HTR5A: variants seen among roughly 807,000 people sequenced by gnomAD.
HTR5A encodes 5-HT-5.
A neutral mutation model predicts 24.3 loss-of-function variants in HTR5A; 21 were observed. The ratio of observed to expected loss-of-function variants is 0.86; its 90% CI spans 0.61 to 1.24. The LOEUF (loss-of-function observed/expected upper bound fraction) is 1.24, where lower values mean the gene tolerates loss of function less well. HTR5A is among the 50% of genes most tolerant of loss of function. The probability of loss-of-function intolerance (pLI) is 0.00; values close to 1 mark genes in which losing one functional copy is unlikely to be tolerated. For missense variants in HTR5A, 497 were observed against 489.5 expected (o/e 1.02, Z -0.15); for synonymous variants, 260 against 213.7 (o/e 1.22, Z -1.89).
intron 1 of HTR5A, among the ~76,000 whole-genome samples, chr7:155,078,891 ATTTT>A (rs1795386976): frequency 6.6e-6 from 1 of 151,786 alleles, no homozygotes; most frequent in Non-Finnish European, 1.5e-5. Context: ...AGTTTAGAAA[ATTTT>A]TCTTTCTTTT....
rs113867577 is a variant in HTR5A, at chr7:155,082,094, G to A, written c.742-2061G>A. On this transcript the variant is annotated intron_variant, in intron 1 of 1. Transcript: ENST00000287907. The stretch of plus-strand genomic sequence containing the variant: ...CATCTCCAGTATAATCAGCATCCGT[G>A]GTGTCTCCAGTGGGACCAGCATCCC... Among the ~76,000 whole-genome samples the A allele has an allele frequency of 3.9e-3, 586 of 151,298 alleles. 5 individuals are homozygous for A. Among genetic ancestry groups the A allele is most frequent in the African/African-American group, 0.014 (560 of 40,996 alleles).
At position 155,070,716 on chromosome 7, in the gene HTR5A, C is replaced by T; in HGVS notation, c.-184C>T. 1.5e-6 allele frequency: 1 copy of T among 666,250 alleles called. No homozygotes were observed. Among genetic ancestry groups the T allele is most frequent in the Non-Finnish European group, 2.6e-6 (1 of 388,468 alleles). The allele number at this position is 666,250 out of a possible 1,614,324, so 41.3% of individuals were successfully genotyped here. On this transcript the variant is annotated 5_prime_UTR_variant, in exon 1 of 2. Transcript: ENST00000287907. ...GGCTTCAGACCTGCCGCGCTTGCAGCCACACCATCTCCAACGGATGCTCAC... is the reference window on the plus strand; with the variant it reads ...GGCTTCAGACCTGCCGCGCTTGCAGTCACACCATCTCCAACGGATGCTCAC...
intron 1 of HTR5A, among the ~76,000 whole-genome samples, chr7:155,075,060 C>T (rs1023491909): frequency 6.6e-6 from 1 of 152,194 alleles, no homozygotes; most frequent in Admixed American, 6.5e-5. Context: ...TACTTGGTTA[C>T]AAATCCTAAG....
At position 155,071,686 on chromosome 7, in the gene HTR5A, C is replaced by T. The variant is rs182408868; in HGVS notation, c.741+46C>T. The stretch of plus-strand genomic sequence containing the variant: ...TAAAAATACTCGACTTGCATCTGTA[C>T]AGGCTATATCCCCAGGCCACCTGCC... On this transcript the variant is annotated intron_variant, in intron 1 of 1. Coordinates refer to ENST00000287907, the MANE Select transcript of HTR5A (RefSeq NM_024012.4). The T allele has an allele frequency of 4.3e-4, 675 of 1,579,166 alleles. 1 individual carries two copies. The highest frequency in any genetic ancestry group is 2.8e-3 in the Middle Eastern group (15 of 5,366).
In HTR5A at chr7:155,086,067, C is replaced by G. The variant is rs1393543863; in HGVS notation, c.*1580C>G. Among the ~76,000 whole-genome samples the G allele has an allele frequency of 6.6e-6, 1 of 152,132 alleles. No individual in the cohort carries two copies. Among genetic ancestry groups the G allele is most frequent in the African/African-American group, 2.4e-5 (1 of 41,432 alleles). On this transcript the variant is annotated 3_prime_UTR_variant, in exon 2 of 2. Coordinates refer to ENST00000287907, the MANE Select transcript of HTR5A (RefSeq NM_024012.4). The stretch of plus-strand genomic sequence containing the variant: ...TGTATATATCACTTGAAGTGCTAAA[C>G]CCACAAGTATTTAAAATACAGACTC...
At chr7:155,082,459 A>C (rs1338232529) in intron 1 of HTR5A, among the ~76,000 whole-genome samples, 1 of 152,100 alleles carries the variant, frequency 6.6e-6, no homozygotes, top group Non-Finnish European at 1.5e-5. Context: ...TTTCCAGTAT[A>C]ACCAGCATCT....
At position 155,071,281 on chromosome 7, in the gene HTR5A, A is replaced by AC; in HGVS notation, c.382_383insC (p.Ser128ThrfsTer60). On this transcript the variant is annotated frameshift_variant, in exon 1 of 2. Coordinates refer to ENST00000287907, the MANE Select transcript of HTR5A (RefSeq NM_024012.4). LOFTEE classifies it high-confidence loss of function. ...GTGCGACGTGCTTTGCTGCACGGCC[A>AC]GCATCTGGAACGTGACGGCCATAGC... The AC allele has an allele frequency of 6.2e-7, 1 of 1,608,420 alleles. No individual in the cohort carries two copies. The highest frequency in any genetic ancestry group is 1.1e-5 in the South Asian group (1 of 91,078).
Position 155,084,309 on chromosome 7 carries a change from T to C in HTR5A, c.896T>C (p.Ile299Thr), listed in dbSNP as rs138756848. The change falls in exon 2 of 2, where the codon ATC becomes ACC. Residue 299 changes from isoleucine to threonine, a missense_variant. Coordinates refer to ENST00000287907, the MANE Select transcript of HTR5A (RefSeq NM_024012.4). ...ILIGVFVLCWIPFFLTELISP... is the reference protein window; with the variant it reads ...ILIGVFVLCWTPFFLTELISP... ...ATTGGCGTGTTCGTGCTCTGCTGGA[T>C]CCCCTTCTTTCTCACCGAGCTCATC... 2.4e-4 allele frequency: 383 copies of C among 1,614,068 alleles called. No homozygotes were observed. The highest frequency in any genetic ancestry group is 3.2e-4 in the Non-Finnish European group (377 of 1,180,010).
At chr7:155,079,072 C>A (rs1481979335) in intron 1 of HTR5A, among the ~76,000 whole-genome samples, 4 of 152,000 alleles carry the variant, frequency 2.6e-5, no homozygotes, top group Non-Finnish European at 5.9e-5. Context: ...CCTCACACCT[C>A]AGCCTCTGAG....
chr7:155,084,408 T>A lies in HTR5A; in HGVS notation c.995T>A (p.Phe332Tyr). Residue 332 changes from phenylalanine to tyrosine, a missense_variant, in exon 2 of 2, where the codon TTC (phenylalanine) becomes TAC (tyrosine). Phe to Tyr is a conservative substitution (Grantham distance 22). Transcript: ENST00000287907. Reference sequence around the variant, plus strand: ...CTGTGGCTTGGCTACTCCAACTCCTTCTTTAACCCCCTGATCTATACGGCT... The same window carrying A: ...CTGTGGCTTGGCTACTCCAACTCCTACTTTAACCCCCTGATCTATACGGCT... Reference protein sequence around the residue: ...IFLWLGYSNSFFNPLIYTAFN... With the variant: ...IFLWLGYSNSYFNPLIYTAFN... 2.5e-6 allele frequency: 4 copies of A among 1,614,166 alleles called. No homozygotes were observed. Among genetic ancestry groups the A allele is most frequent in the Non-Finnish European group, 3.4e-6 (4 of 1,180,036 alleles).
intron 1 of HTR5A, among the ~76,000 whole-genome samples, chr7:155,080,401 A>G (rs962325435): frequency 6.6e-6 from 1 of 152,234 alleles, no homozygotes; most frequent in Non-Finnish European, 1.5e-5. Context: ...ATAAGAGCCC[A>G]GTGAAACTAG....
intron 1 of HTR5A, among the ~76,000 whole-genome samples, chr7:155,078,127 G>C (rs1795377791): frequency 6.6e-6 from 1 of 152,042 alleles, no homozygotes; most frequent in Non-Finnish European, 1.5e-5. Flanking sequence ...TATATACAGG[G>C]ATCCTTATCT....
At chr7:155,076,488 G>C (rs1795360759) in intron 1 of HTR5A, among the ~76,000 whole-genome samples, 1 of 152,110 alleles carries the variant, frequency 6.6e-6, no homozygotes, top group Non-Finnish European at 1.5e-5. Context: ...TTATGGGAGA[G>C]ACTGGACTAC....
Position 155,084,173 on chromosome 7 carries a change from C to A in HTR5A, c.760C>A (p.Gln254Lys), listed in dbSNP as rs748385154. 1.4e-4 allele frequency: 218 copies of A among 1,607,214 alleles called. No homozygotes were observed. Among genetic ancestry groups the A allele is most frequent in the Non-Finnish European group, 1.7e-4 (201 of 1,176,282 alleles). Reference sequence around the variant, plus strand: ...TTTACAGGTGAAGGACTCTGCCAAACAGCCCCAGATGGTGTTCACGGTCCG... The same window carrying A: ...TTTACAGGTGAAGGACTCTGCCAAAAAGCCCCAGATGGTGTTCACGGTCCG... ...EAVEVKDSAK[Q>K]PQMVFTVRHA... Residue 254 changes from glutamine (Q) to lysine (K), a missense_variant, in exon 2 of 2, where the codon CAG (glutamine) becomes AAG (lysine). By Grantham distance (53) the Gln-to-Lys change is moderately conservative. Coordinates refer to ENST00000287907, the MANE Select transcript of HTR5A (RefSeq NM_024012.4).
Position 155,084,510 on chromosome 7 carries a change from A to G in HTR5A, c.*23A>G. 6.4e-7 allele frequency: 1 copy of G among 1,563,592 alleles called. No individual in the cohort carries two copies. Among genetic ancestry groups the G allele is most frequent in the Admixed American group, 1.8e-5 (1 of 55,158 alleles). On this transcript the variant is annotated 3_prime_UTR_variant, in exon 2 of 2. Coordinates refer to ENST00000287907, the MANE Select transcript of HTR5A (RefSeq NM_024012.4). ...TGAGGGAGAGGACCAGGATTGAAAAAAGTTTCTTCCCATAATTCAGTGGAA... is the reference window on the plus strand; with the variant it reads ...TGAGGGAGAGGACCAGGATTGAAAAGAGTTTCTTCCCATAATTCAGTGGAA...
chr7:155,084,287 G>A lies in HTR5A; in HGVS notation c.874G>A (p.Gly292Ser). ...RAALMVGILI[G>S]VFVLCWIPFF... ...CGCCCTCATGGTGGGCATCCTCATT[G>A]GCGTGTTCGTGCTCTGCTGGATCCC... The change falls in exon 2 of 2, where the codon GGC becomes AGC. Residue 292 changes from glycine to serine, a missense_variant. By Grantham distance (56) the Gly-to-Ser change is moderately conservative. Coordinates refer to ENST00000287907, the MANE Select transcript of HTR5A (RefSeq NM_024012.4). 6.2e-7 allele frequency: 1 copy of A among 1,614,144 alleles called. No homozygotes were observed. The highest frequency in any genetic ancestry group is 8.5e-7 in the Non-Finnish European group (1 of 1,180,032).
At chr7:155,073,905 A>ATATATATG (rs1563419733) in intron 1 of HTR5A, among the ~76,000 whole-genome samples, 11 of 88,028 alleles carry the variant, frequency 1.2e-4, no homozygotes, top group African/African-American at 4.2e-4. Context: ...ATATATATAT[A>ATATATATG]TATATATATA....
Position 155,071,197 on chromosome 7 carries a change from C to T in HTR5A, c.298C>T (p.His100Tyr). ...AALVMPLSLVHELSGRRWQLG... is the reference protein window; with the variant it reads ...AALVMPLSLVYELSGRRWQLG... Reference sequence around the variant, plus strand: ...GCTGGTCATGCCGCTGAGCCTGGTGCACGAGCTGTCCGGGCGCCGCTGGCA... The same window carrying T: ...GCTGGTCATGCCGCTGAGCCTGGTGTACGAGCTGTCCGGGCGCCGCTGGCA... Residue 100 changes from histidine to tyrosine, a missense_variant, in exon 1 of 2, where the codon CAC (histidine) becomes TAC (tyrosine). Coordinates refer to ENST00000287907, the MANE Select transcript of HTR5A (RefSeq NM_024012.4). 6.2e-7 allele frequency: 1 copy of T among 1,602,794 alleles called. No homozygotes were observed. The highest frequency in any genetic ancestry group is 8.5e-7 in the Non-Finnish European group (1 of 1,179,874).
chr7:155,077,547 T>G (rs1795372108), intron 1 of HTR5A, among the ~76,000 whole-genome samples: 1 of 149,908 alleles, frequency 6.7e-6, no homozygotes, highest in African/African-American at 2.5e-5. Flanking sequence ...CACTGCAATC[T>G]CCACCTCCCA....
Sources: allele counts gnomAD v4.1 joint callset (sites outside exome capture counted in the v4.1 genomes callset), GRCh38; gene constraint gnomAD v4.1.1; transcripts MANE v1.5; gene names NCBI Gene and HGNC (gene_info 2026-07-23, HGNC 2026-07-21).